PTPRD: variants seen among roughly 807,000 people sequenced by gnomAD.
PTPRD encodes the protein receptor-type tyrosine-protein phosphatase delta.
A neutral mutation model predicts 214.5 loss-of-function variants in PTPRD; 34 were observed. The observed-to-expected ratio is 0.16, with a 90% CI of 0.12 to 0.21. The LOEUF (loss-of-function observed/expected upper bound fraction) is 0.21. Ranked by LOEUF, PTPRD falls within the 10% of genes least tolerant of loss-of-function variation. The pLI is 1.00. For missense variants in PTPRD, 2,545 were observed against 2,398.7 expected, an observed-to-expected ratio of 1.06 and a Z score of -1.27; for synonymous variants, 1,128 against 845.7, an observed-to-expected ratio of 1.33 and a Z score of -5.79.
chr9:9,075,846 T>C (rs2099750329), intron 10 of PTPRD, among the ~76,000 whole-genome samples: 1 of 152,212 alleles, frequency 6.6e-6, no homozygotes, highest in South Asian at 2.1e-4. Context: ...GTCTTTGCTA[T>C]TGTGAATAGT....
At chr9:10,190,926 T>C (rs919308521) in intron 3 of PTPRD, among the ~76,000 whole-genome samples, 2 of 152,100 alleles carry the variant, frequency 1.3e-5, no homozygotes, top group African/African-American at 4.8e-5. Context: ...ACCAGTTAAC[T>C]ATTGTTACTG....
At chr9:9,815,298 G>C (rs2048408564) in intron 5 of PTPRD, among the ~76,000 whole-genome samples, 2 of 152,160 alleles carry the variant, frequency 1.3e-5, no homozygotes, top group Admixed American at 6.6e-5. Context: ...ATGGTGCCTG[G>C]AAAACTGGAT....
At chr9:8,768,227 C>T (rs2094913819) in intron 11 of PTPRD, among the ~76,000 whole-genome samples, 1 of 152,040 alleles carries the variant, frequency 6.6e-6, no homozygotes, top group African/African-American at 2.4e-5. Context: ...AGACCCCCAT[C>T]TTGATTAAAA....
intron 2 of PTPRD, among the ~76,000 whole-genome samples, chr9:10,592,805 C>CA (rs2075781453): frequency 6.6e-6 from 1 of 151,826 alleles, no homozygotes; most frequent in Non-Finnish European, 1.5e-5. Context: ...AGTAGCCAAT[C>CA]GCAGGGAGGA....
chr9:8,418,593 C>G (rs1032364704), intron 35 of PTPRD, among the ~76,000 whole-genome samples: 3 of 147,296 alleles, frequency 2.0e-5, no homozygotes, highest in African/African-American at 7.6e-5. Flanking sequence ...TAATTTTAAT[C>G]ATTTCTTGTC....
At chr9:10,174,868 A>T (rs2099237174) in intron 3 of PTPRD, among the ~76,000 whole-genome samples, 1 of 152,148 alleles carries the variant, frequency 6.6e-6, no homozygotes, top group Non-Finnish European at 1.5e-5. Context: ...TTGTTTCAGG[A>T]ATTGGACATT....
intron 21 of PTPRD, among the ~76,000 whole-genome samples, chr9:8,515,587 G>A (rs540704883): frequency 6.6e-6 from 1 of 152,130 alleles, no homozygotes; most frequent in African/African-American, 2.4e-5. Context: ...CTAGTGAAAA[G>A]GGAAATTTGG....
At chr9:8,366,247 C>T in intron 39 of PTPRD, among the ~76,000 whole-genome samples, 1 of 152,152 alleles carries the variant, frequency 6.6e-6, no homozygotes, top group East Asian at 1.9e-4. Flanking sequence ...GGAAGAGCCA[C>T]AGTTAATCCT....
intron 8 of PTPRD, among the ~76,000 whole-genome samples, chr9:9,457,806 T>G (rs1190410267): frequency 6.6e-6 from 1 of 152,026 alleles, no homozygotes; most frequent in Admixed American, 6.6e-5. Flanking sequence ...GGACAAATTA[T>G]GTATGTTCCC....
intron 5 of PTPRD, among the ~76,000 whole-genome samples, chr9:9,864,831 G>A (rs931964856): frequency 3.3e-5 from 5 of 151,932 alleles, no homozygotes; most frequent in African/African-American, 7.3e-5. Context: ...TGTGCACTTC[G>A]TAGTAAAGGG....
rs140882473 is a variant in PTPRD at position 8,533,063 on chromosome 9, A to G, written c.353-4284T>C. 4.1e-3 allele frequency among the ~76,000 whole-genome samples: 623 copies of G among 152,216 alleles called. 2 individuals carry two copies. Among genetic ancestry groups the G allele is most frequent in the Middle Eastern group, 0.037 (11 of 294 alleles). On this transcript the variant is annotated intron_variant, in intron 14 of 45. Coordinates refer to ENST00000381196, the MANE Select transcript of PTPRD (RefSeq NM_002839.4). ...GTCATGCCTTACATATCTGTGAATG[A>G]TCAAGTAACAGGTTTTACATGATTT...
chr9:9,100,493 C>A (rs187898118), intron 10 of PTPRD, among the ~76,000 whole-genome samples: 1 of 152,116 alleles, frequency 6.6e-6, no homozygotes, highest in Admixed American at 6.5e-5. Flanking sequence ...TATGATGGAA[C>A]AGGATGACAT....
At chr9:8,708,847 T>A (rs180840688) in intron 12 of PTPRD, among the ~76,000 whole-genome samples, 7 of 152,234 alleles carry the variant, frequency 4.6e-5, no homozygotes, top group African/African-American at 1.4e-4. Context: ...GCAACCTAAG[T>A]GTCCATCAAT....
intron 32 of PTPRD, among the ~76,000 whole-genome samples, chr9:8,462,297 T>C (rs1199527081): frequency 6.6e-6 from 1 of 151,990 alleles, no homozygotes; most frequent in Non-Finnish European, 1.5e-5. Flanking sequence ...AGCTAATCAG[T>C]GTCCCCCAGG....
intron 10 of PTPRD, among the ~76,000 whole-genome samples, chr9:9,101,410 T>C (rs1247483962): frequency 1.3e-5 from 2 of 152,144 alleles, no homozygotes; most frequent in Non-Finnish European, 2.9e-5. Flanking sequence ...AAAATACACC[T>C]GTACAGATAC....
chr9:8,403,034 G>C, intron 36 of PTPRD, among the ~76,000 whole-genome samples: 1 of 152,048 alleles, frequency 6.6e-6, no homozygotes, highest in Non-Finnish European at 1.5e-5. Context: ...CACAGGTATA[G>C]GATTGTTCAA....
At chr9:8,759,566 C>T (rs1199578284) in intron 11 of PTPRD, among the ~76,000 whole-genome samples, 1 of 151,778 alleles carries the variant, frequency 6.6e-6, no homozygotes, top group Non-Finnish European at 1.5e-5. Flanking sequence ...TCTGTTCTAG[C>T]TCCCAGTATT....
rs1394209525 is a variant in PTPRD, at chr9:8,374,965, G to C, written c.4661+971C>G. Among the ~76,000 whole-genome samples, 4 of 151,722 alleles carry C rather than the reference G, an allele frequency of 2.6e-5. No individual in the cohort carries two copies. In the East Asian group the frequency reaches 7.8e-4, roughly 29 times the overall value. Reference sequence around the variant, plus strand: ...ATATTTATATTATAGTATAATATGGGGTATGAAAGAGAGTGATGGTATTAA... The same window carrying C: ...ATATTTATATTATAGTATAATATGGCGTATGAAAGAGAGTGATGGTATTAA... On this transcript the variant is annotated intron_variant, in intron 39 of 45. Coordinates refer to ENST00000381196, the MANE Select transcript of PTPRD (RefSeq NM_002839.4).
At position 8,540,409 on chromosome 9, in the gene PTPRD, C is replaced by T. The variant is rs1028057657; in HGVS notation, c.353-11630G>A. Among the ~76,000 whole-genome samples the T allele has an allele frequency of 2.6e-5, 4 of 152,054 alleles. No individual in the cohort carries two copies. In the East Asian group the frequency reaches 7.7e-4, roughly 29 times the overall value. On this transcript the variant is annotated intron_variant, in intron 14 of 45. Coordinates refer to ENST00000381196, the MANE Select transcript of PTPRD (RefSeq NM_002839.4). ...GTTAACTCTAAAAATACATGAATTC[C>T]TATAAAATTAAGGCATAAGTATTTA...
Sources: gnomAD v4.1 joint callset for allele counts (sites outside exome capture counted in the v4.1 genomes callset) on GRCh38, gnomAD v4.1.1 for gene constraint, MANE v1.5 for transcripts, NCBI Gene and HGNC (gene_info 2026-07-23, HGNC 2026-07-21) for gene names.